LTAP1: variants seen among roughly 807,000 people sequenced by gnomAD.
LTAP1 encodes the protein HCV NS5A-transactivated protein 4.
chr1:154,207,657 CAG>C, the LTAP1 span: 2 of 1,589,012 alleles, frequency 1.3e-6, no homozygotes, highest in South Asian at 1.2e-5. Context: ...CCCTGAAGAA[CAG>C]AGAGGGGAGG....
At chr1:154,212,137 G>T in the LTAP1 span, 1 of 683,090 alleles carries the variant, frequency 1.5e-6, no homozygotes, top group African/African-American at 1.8e-5. Context: ...GATTATAGGC[G>T]TGAACCACTG....
At chr1:154,219,787 C>A in the LTAP1 span, 1 of 1,335,756 alleles carries the variant, frequency 7.5e-7, no homozygotes, top group Non-Finnish European at 1.0e-6. Context: ...TCATTCTTGA[C>A]CCTAAAAGAT....
the LTAP1 span, among the ~76,000 whole-genome samples, chr1:154,218,838 G>A: frequency 6.6e-6 from 1 of 152,094 alleles, no homozygotes; most frequent in Non-Finnish European, 1.5e-5. Flanking sequence ...TAAAAATTAT[G>A]GTAAATGCTA....
At chr1:154,210,572 G>C in the LTAP1 span, among the ~76,000 whole-genome samples, 1 of 152,196 alleles carries the variant, frequency 6.6e-6, no homozygotes, top group African/African-American at 2.4e-5. Context: ...CCACCTCCCA[G>C]GTTCAAGCGA....
the LTAP1 span, chr1:154,212,436 C>T: frequency 6.2e-7 from 1 of 1,613,882 alleles, no homozygotes; most frequent in Non-Finnish European, 8.5e-7. Context: ...TCTTTAGTGC[C>T]CCGAAGAAAA....
At chr1:154,215,446 G>A in the LTAP1 span, among the ~76,000 whole-genome samples, 2 of 151,532 alleles carry the variant, frequency 1.3e-5, no homozygotes, top group African/African-American at 4.9e-5. Flanking sequence ...GGGTCCTGTA[G>A]TCCCAGCTAC....
At chr1:154,207,086 T>A in the LTAP1 span, 1 of 208,028 alleles carries the variant, frequency 4.8e-6, no homozygotes, top group South Asian at 7.3e-5. Flanking sequence ...ATGGAAGACA[T>A]CTCACTCCAA....
At chr1:154,209,935 A>G in the LTAP1 span, among the ~76,000 whole-genome samples, 1 of 151,620 alleles carries the variant, frequency 6.6e-6, no homozygotes, top group Non-Finnish European at 1.5e-5. Flanking sequence ...TATGATGCCC[A>G]GGTTGGTCTC....
chr1:154,215,263 C>G, the LTAP1 span, among the ~76,000 whole-genome samples: 2 of 150,764 alleles, frequency 1.3e-5, no homozygotes, highest in East Asian at 2.0e-4. Flanking sequence ...TCATGGTATA[C>G]AAATTTTAAA....
the LTAP1 span, chr1:154,207,613 T>TCACCA: frequency 5.6e-6 from 9 of 1,611,970 alleles, no homozygotes; most frequent in African/African-American, 1.1e-4. Flanking sequence ...TGCTGACTGG[T>TCACCA]GATGTCGCTG....
the LTAP1 span, chr1:154,207,450 C>T: frequency 1.9e-6 from 3 of 1,613,874 alleles, no homozygotes; most frequent in East Asian, 4.5e-5. Context: ...TCCTTCAGCT[C>T]CGTCACAGAG....
chr1:154,220,233 G>A, the LTAP1 span: 19 of 1,356,268 alleles, frequency 1.4e-5, 1 homozygote, highest in South Asian at 2.0e-4. Flanking sequence ...GTCAAAGCCC[G>A]GATAGGCGCA....
chr1:154,217,653 G>A, the LTAP1 span, among the ~76,000 whole-genome samples: 1 of 151,824 alleles, frequency 6.6e-6, no homozygotes, highest in African/African-American at 2.4e-5. Context: ...CTACCTCAGC[G>A]TCCCGAGTAG....
At chr1:154,220,544 AC>A in the LTAP1 span, 1 of 861,836 alleles carries the variant, frequency 1.2e-6, no homozygotes, top group East Asian at 2.6e-5. Context: ...ACCAAGCCAG[AC>A]CCGGCCTGAA....
chr1:154,220,198 C>G, the LTAP1 span: 1 of 1,050,628 alleles, frequency 9.5e-7, no homozygotes, highest in Non-Finnish European at 1.5e-6. Context: ...GTGACTTAAA[C>G]TCCCACCTAC....
At chr1:154,207,606 T>G in the LTAP1 span, 1 of 1,613,030 alleles carries the variant, frequency 6.2e-7, no homozygotes, top group Non-Finnish European at 8.5e-7. Context: ...CTTTGGCTGC[T>G]GACTGGTGAT....
At chr1:154,209,741 C>G in the LTAP1 span, among the ~76,000 whole-genome samples, 1 of 151,944 alleles carries the variant, frequency 6.6e-6, no homozygotes, top group East Asian at 1.9e-4. Context: ...CACCCGCCAC[C>G]ACGCCCGGCT....
the LTAP1 span, among the ~76,000 whole-genome samples, chr1:154,218,669 T>C: frequency 6.6e-6 from 1 of 152,246 alleles, no homozygotes; most frequent in African/African-American, 2.4e-5. Context: ...GTGTAGGCCC[T>C]GGCACTAACC....
the LTAP1 span, chr1:154,212,336 T>G: frequency 1.2e-6 from 2 of 1,614,174 alleles, no homozygotes; most frequent in Non-Finnish European, 1.7e-6. Flanking sequence ...GCCAGCTCAC[T>G]CAGGGCCTCC....
Sources: allele counts gnomAD v4.1 joint callset (sites outside exome capture counted in the v4.1 genomes callset), GRCh38; gene constraint gnomAD v4.1.1; transcripts MANE v1.5; gene names NCBI Gene and HGNC (gene_info 2026-07-23, HGNC 2026-07-21).